The following TMBIM4 variants were observed in gnomAD, a reference collection of about 807,000 sequenced individuals.
TMBIM4 encodes the protein protein lifeguard 4.
TMBIM4 carries 28 observed loss-of-function variants against 27.7 expected under a neutral mutation model. That is an observed-to-expected ratio of 1.01 (90% CI 0.75 to 1.38). TMBIM4 has a LOEUF of 1.38. Ranked by LOEUF, TMBIM4 falls within the 40% of genes most tolerant of loss-of-function variation. The probability of loss-of-function intolerance (pLI) is 0.00; values close to 1 mark genes in which losing one functional copy is unlikely to be tolerated. For synonymous variants in TMBIM4, 115 were observed against 113.1 expected, an observed-to-expected ratio of 1.02 and a Z score of -0.11; for missense variants, 265 against 277.5, an observed-to-expected ratio of 0.95 and a Z score of 0.32.
chr12:66,144,173 G>T (rs117006781), intron 5 of TMBIM4, among the ~76,000 whole-genome samples: 1,762 of 152,198 alleles, frequency 0.012, 12 homozygotes, highest in Non-Finnish European at 0.019. Flanking sequence ...GAATAGAGAG[G>T]CTGGTTGTAG....
intron 5 of TMBIM4, among the ~76,000 whole-genome samples, chr12:66,140,294 AT>A (rs377327662): frequency 6.6e-6 from 1 of 151,912 alleles, no homozygotes; most frequent in Non-Finnish European, 1.5e-5. Context: ...GGAAGATACT[AT>A]TTTTTTTCAA....
intron 1 of TMBIM4, among the ~76,000 whole-genome samples, chr12:66,167,273 T>C (rs2052147903): frequency 6.6e-6 from 1 of 152,198 alleles, no homozygotes; most frequent in African/African-American, 2.4e-5. Context: ...GATAATGAGG[T>C]GTCCAGTCTA....
intron 5 of TMBIM4, among the ~76,000 whole-genome samples, chr12:66,145,202 G>C (rs960126229): frequency 2.3e-4 from 35 of 152,110 alleles, no homozygotes; most frequent in Admixed American, 1.8e-3. Flanking sequence ...AATAAAAGGG[G>C]TGGGGGAGGA....
chr12:66,152,786 C>T (rs994629826), intron 2 of TMBIM4, among the ~76,000 whole-genome samples: 9 of 152,128 alleles, frequency 5.9e-5, no homozygotes, highest in Admixed American at 5.9e-4. Context: ...CAAGACTCCC[C>T]TTTGGTGGGG....
At chr12:66,147,826 T>C (rs1161873442) in intron 4 of TMBIM4, 82 bp downstream of exon 4, 3 of 1,102,088 alleles carry the variant, frequency 2.7e-6, no homozygotes, top group Non-Finnish European at 3.9e-6. Flanking sequence ...TGTTAAACTT[T>C]AGCCCCAAAT....
At chr12:66,166,046 C>G (rs2052120812) in intron 1 of TMBIM4, among the ~76,000 whole-genome samples, 1 of 152,180 alleles carries the variant, frequency 6.6e-6, no homozygotes, top group Non-Finnish European at 1.5e-5. Flanking sequence ...TTAGGTCTTA[C>G]ATTTAGGACT....
chr12:66,144,609 G>A (rs1401985876), intron 5 of TMBIM4: 1 of 152,072 alleles, frequency 6.6e-6, no homozygotes, highest in Admixed American at 6.6e-5. Context: ...AGTTTCAAGT[G>A]GACCCAATCC....
intron 1 of TMBIM4, chr12:66,160,022 C>T (rs1353135779): frequency 1.8e-6 from 1 of 563,548 alleles, no homozygotes; most frequent in African/African-American, 1.9e-5. Flanking sequence ...AAAGCCAGCC[C>T]ACTACCTGGT....
intron 1 of TMBIM4, among the ~76,000 whole-genome samples, chr12:66,157,878 T>G (rs1234100749): frequency 2.6e-5 from 4 of 152,204 alleles, no homozygotes; most frequent in African/African-American, 9.6e-5. Context: ...ATGTACCTGC[T>G]GGCTTCTTGC....
chr12:66,153,426 G>A lies in TMBIM4; in HGVS notation c.120C>T (p.Ser40=), dbSNP rs759341368. The A allele has an allele frequency of 5.7e-6, 9 of 1,588,034 alleles. No homozygotes were observed. The East Asian group carries it at 2.0e-4, about 36-fold the overall frequency. ...IRMAFLRKVY[S]ILSLQVLLTT... The stretch of plus-strand genomic sequence containing the variant: ...TTAAGAGAACCTGCAGAGAAAGAAT[G>A]CTGTAGACTTTTCTCAGAAAGGCTA... The change falls in exon 2 of 7, where the codon AGC becomes AGT. Residue 40 remains serine (S), a synonymous_variant. Transcript: ENST00000358230.
chr12:66,169,960 C>A lies in TMBIM4; in HGVS notation c.-9G>T. The stretch of plus-strand genomic sequence containing the variant: ...GGGTCGGGGTCAGCCATGATGGCAA[C>A]AGCACCCCTACCGGTCCCGGTCCAC... On this transcript the variant is annotated 5_prime_UTR_variant, in exon 1 of 7. Transcript: ENST00000358230. The A allele has an allele frequency of 6.7e-7, 1 of 1,485,538 alleles. No individual in the cohort carries two copies. The highest frequency in any genetic ancestry group is 8.9e-7 in the Non-Finnish European group (1 of 1,118,666). The allele number at this position is 1,485,538 out of a possible 1,614,324, so 92.0% of individuals were successfully genotyped here. A position where few individuals can be genotyped will look rare whatever the true frequency, so the allele number is the denominator to read the frequency against.
At chr12:66,145,056 A>G (rs2136852846) in intron 5 of TMBIM4, among the ~76,000 whole-genome samples, 1 of 152,286 alleles carries the variant, frequency 6.6e-6, no homozygotes, top group South Asian at 2.1e-4. Context: ...GAAGGAAAAG[A>G]AAATAGAAAA....
At chr12:66,144,135 A>G (rs954457787) in intron 5 of TMBIM4, among the ~76,000 whole-genome samples, 1 of 152,090 alleles carries the variant, frequency 6.6e-6, no homozygotes, top group Admixed American at 6.6e-5. Flanking sequence ...GCTTGGTGGA[A>G]AAGAGGCTGG....
intron 5 of TMBIM4, among the ~76,000 whole-genome samples, chr12:66,143,197 C>T (rs1271396803): frequency 6.6e-6 from 1 of 152,142 alleles, no homozygotes; most frequent in Non-Finnish European, 1.5e-5. Flanking sequence ...GTTCACTCTA[C>T]TCTGACTCAC....
At chr12:66,158,644 CAAA>C (rs71434101) in intron 1 of TMBIM4, among the ~76,000 whole-genome samples, 1 of 109,406 alleles carries the variant, frequency 9.1e-6, no homozygotes, top group Admixed American at 9.8e-5. Flanking sequence ...GACTCTGTCT[CAAA>C]AAAAAAAAAA....
chr12:66,159,534 C>G (rs1033798747), intron 1 of TMBIM4, among the ~76,000 whole-genome samples: 4 of 152,122 alleles, frequency 2.6e-5, no homozygotes, highest in Non-Finnish European at 5.9e-5. Context: ...TAAGACCCTC[C>G]CAAATTCCTG....
intron 1 of TMBIM4, among the ~76,000 whole-genome samples, chr12:66,166,464 C>CAAAAAAAAAAAAAAAAA (rs59822799): frequency 7.9e-5 from 8 of 100,684 alleles, no homozygotes; most frequent in East Asian, 2.6e-4. Context: ...TACTTTGTCT[C>CAAAAAAAAAAAAAAAAA]AAAAAAAAAA....
rs953501447 is a variant in TMBIM4 at position 66,138,715 on chromosome 12, A to C, written c.510+9T>G. The C allele has an allele frequency of 1.2e-5, 18 of 1,547,476 alleles. No homozygotes were observed. Among genetic ancestry groups the C allele is most frequent in the Non-Finnish European group, 1.6e-5 (18 of 1,154,962 alleles). The stretch of plus-strand genomic sequence containing the variant: ...TATATTTCAAATTAACCATTATAAC[A>C]TAACTTACCTTCAAGAATCCTGACA... On this transcript the variant is annotated intron_variant, in intron 6 of 6. Coordinates refer to ENST00000358230, the MANE Select transcript of TMBIM4 (RefSeq NM_016056.4).
chr12:66,142,920 C>T (rs1384417663), intron 5 of TMBIM4, among the ~76,000 whole-genome samples: 1 of 152,172 alleles, frequency 6.6e-6, no homozygotes, highest in Non-Finnish European at 1.5e-5. Context: ...ATTGACAATA[C>T]ATATTAAAAC....
Sources: allele counts gnomAD v4.1 joint callset (sites outside exome capture counted in the v4.1 genomes callset), GRCh38; gene constraint gnomAD v4.1.1; transcripts MANE v1.5; gene names NCBI Gene and HGNC (gene_info 2026-07-23, HGNC 2026-07-21).